Variants in RACK1 observed in about 807,000 individuals in gnomAD.
RACK1 encodes the protein small ribosomal subunit protein RACK1.
Under a neutral mutation model 42.2 loss-of-function variants are expected in RACK1, and 3 were observed. The observed-to-expected ratio is 0.07, with a 90% CI of 0.03 to 0.18. The LOEUF (loss-of-function observed/expected upper bound fraction) is 0.18, where lower values mean the gene tolerates loss of function less well. Among genes scored for constraint, RACK1 ranks in the 10% least tolerant of loss-of-function variants. RACK1 has a pLI of 1.00. For missense variants in RACK1, 146 were observed against 403.2 expected (o/e 0.36, Z 5.46); for synonymous variants, 181 against 154.8 (o/e 1.17, Z -1.25).
At chr5:181,242,403 C>G in intron 1 of RACK1, 58 bp from the exon 2 acceptor site, 1 of 1,161,802 alleles carries the variant, frequency 8.6e-7, no homozygotes, top group Non-Finnish European at 1.3e-6. Context: ...GTTTAACACA[C>G]TGGATAATTC....
Position 181,236,941 on chromosome 5 carries a change from GT to G in RACK1, c.*35del, listed in dbSNP as rs11445317. ...AAAAACCTAAAAGTCAGAAAAGCCA[GT>G]TTTTTTTTTATTTGTAAAGCTCTGC... On this transcript the variant is annotated 3_prime_UTR_variant, in exon 8 of 8. Transcript: ENST00000512805. 480 of 1,368,762 alleles carry G rather than the reference GT, an allele frequency of 3.5e-4. No homozygotes were observed. Among genetic ancestry groups the G allele is most frequent in the South Asian group, 1.6e-3 (114 of 72,704 alleles). 84.8% of individuals were successfully genotyped at this position (1,368,762 alleles called of 1,614,324 possible).
intron 5 of RACK1, chr5:181,238,825 AAAAAAAC>A (rs955446691): frequency 2.1e-6 from 1 of 473,766 alleles, no homozygotes; most frequent in South Asian, 2.1e-5. Context: ...ACAAACAAAC[AAAAAAAC>A]AACAAAAAAA....
chr5:181,236,988 C>T lies in RACK1; in HGVS notation c.943G>A (p.Gly315Ser). ...TCTGCCATAAACTTCTAGCGTGTGC[C>T]AATGGTCACCTGCCACACTCGCACC... ...NLVRVWQVTI[G>S]TR Residue 315 changes from glycine (G) to serine (S), a missense_variant, in exon 8 of 8, where the codon GGC becomes AGC. Physicochemically the swap from Gly to Ser is moderately conservative, Grantham distance 56 (BLOSUM62 0). Transcript: ENST00000512805. 6.2e-7 allele frequency: 1 copy of T among 1,613,684 alleles called. No individual in the cohort carries two copies. The highest frequency in any genetic ancestry group is 8.5e-7 in the Non-Finnish European group (1 of 1,179,876).
chr5:181,242,506 T>A, intron 1 of RACK1, 161 bp from the exon 2 acceptor site: 1 of 679,972 alleles, frequency 1.5e-6, no homozygotes, highest in Non-Finnish European at 2.7e-6. Flanking sequence ...AGACCAGGAC[T>A]GAGTGGCTCT....
chr5:181,241,882 T>C, intron 2 of RACK1: 1 of 767,580 alleles, frequency 1.3e-6, no homozygotes, highest in Non-Finnish European at 2.4e-6. Context: ...CCATCTGTCA[T>C]CACCAGGACC....
At chr5:181,238,914 T>C (rs1291599353) in intron 5 of RACK1, 153 bp downstream of exon 5, 1 of 726,978 alleles carries the variant, frequency 1.4e-6, no homozygotes, top group Non-Finnish European at 2.5e-6. Context: ...CTGAAAGTAA[T>C]CTTTGGAAAC....
chr5:181,242,391 C>T, intron 1 of RACK1, 46 bp from the exon 2 acceptor site: 1 of 1,304,900 alleles, frequency 7.7e-7, no homozygotes, highest in South Asian at 1.2e-5. Flanking sequence ...AACCCGCAGC[C>T]CGTTTAACAC....
chr5:181,237,947 C>T, intron 6 of RACK1, 152 bp downstream of exon 6: 1 of 670,832 alleles, frequency 1.5e-6, no homozygotes. Flanking sequence ...GGACTGCACA[C>T]CACAACAGAG....
intron 7 of RACK1, 28 bp downstream of exon 7, chr5:181,237,581 A>G: frequency 8.9e-7 from 1 of 1,117,416 alleles, no homozygotes; most frequent in South Asian, 1.2e-5. Context: ...CTGGAAGCAG[A>G]ATCACCTGAG....
At chr5:181,242,542 G>C (rs113736217) in intron 1 of RACK1, 197 bp from the exon 2 acceptor site, 15 of 679,818 alleles carry the variant, frequency 2.2e-5, no homozygotes, top group African/African-American at 1.2e-4. Flanking sequence ...CGCACGTAGA[G>C]GTAAACTGTA....
intron 6 of RACK1, 174 bp downstream of exon 6, chr5:181,237,925 C>T: frequency 1.4e-6 from 1 of 692,744 alleles, no homozygotes; most frequent in Non-Finnish European, 2.5e-6. Context: ...GCTAAACATC[C>T]TGGAATGTAC....
chr5:181,238,304 A>C, intron 5 of RACK1, 65 bp from the exon 6 acceptor site: 1 of 1,539,858 alleles, frequency 6.5e-7, no homozygotes, highest in Non-Finnish European at 9.0e-7. Context: ...TGCCCATCTC[A>C]AGATTCTGTC....
chr5:181,242,561 A>C, intron 1 of RACK1: 1 of 650,300 alleles, frequency 1.5e-6, no homozygotes, highest in Non-Finnish European at 2.8e-6. Context: ...TACCCTGATA[A>C]CTTTTTTTTT....
intron 1 of RACK1, 194 bp from the exon 2 acceptor site, chr5:181,242,539 A>G (rs184147152): frequency 2.8e-5 from 19 of 680,654 alleles, no homozygotes; most frequent in Middle Eastern, 2.4e-4. Context: ...AAACGCACGT[A>G]GAGGTAAACT....
intron 2 of RACK1, 27 bp from the exon 3 acceptor site, chr5:181,241,666 A>G (rs1455460490): frequency 6.2e-7 from 1 of 1,612,388 alleles, no homozygotes; most frequent in Non-Finnish European, 8.5e-7. Flanking sequence ...TGTCATTCTC[A>G]GACTTAGCAA....
At chr5:181,239,325 C>G (rs946627414) in intron 4 of RACK1, 148 bp from the exon 5 acceptor site, 6 of 759,970 alleles carry the variant, frequency 7.9e-6, no homozygotes, top group Non-Finnish European at 1.2e-5. Context: ...GATTATAACA[C>G]ATATCCAATG....
chr5:181,237,256 CG>C (rs1759173323), intron 7 of RACK1: 2 of 897,878 alleles, frequency 2.2e-6, no homozygotes, highest in Non-Finnish European at 3.6e-6. Flanking sequence ...GCCACAACGC[CG>C]GGTAGACTGT....
At chr5:181,240,647 G>A (rs978045646) in intron 3 of RACK1, among the ~76,000 whole-genome samples, 8 of 149,910 alleles carry the variant, frequency 5.3e-5, no homozygotes, top group South Asian at 2.1e-4. Flanking sequence ...CCCAATCTGC[G>A]ATCCCAAATC....
At position 181,243,747 on chromosome 5, in the gene RACK1, T is replaced by C. The variant is rs1268157872; in HGVS notation, c.54A>G (p.Val18=). The change falls in exon 1 of 8, where the codon GTA becomes GTG. Residue 18 remains valine (V), a synonymous_variant. Transcript: ENST00000512805. Reference sequence around the variant, plus strand: ...ACTGCGGGGTAGTAGCGATCTGGGTTACCCAGCCGTTGTGGCCCTTGAGGG... The same window carrying C: ...ACTGCGGGGTAGTAGCGATCTGGGTCACCCAGCCGTTGTGGCCCTTGAGGG... The part of the protein sequence containing the change: ...RGTLKGHNGW[V]TQIATTPQFP... 1 of 1,609,960 alleles carries C rather than the reference T, an allele frequency of 6.2e-7. No homozygotes were observed. The highest frequency in any genetic ancestry group is 8.5e-7 in the Non-Finnish European group (1 of 1,178,376).
Sources: gnomAD v4.1 joint callset for allele counts (sites outside exome capture counted in the v4.1 genomes callset) on GRCh38, gnomAD v4.1.1 for gene constraint, MANE v1.5 for transcripts, NCBI Gene and HGNC (gene_info 2026-07-23, HGNC 2026-07-21) for gene names.